Variants in SVOPL observed in about 807,000 individuals in gnomAD.
SVOPL encodes SVOP like.
Under a neutral mutation model 61.0 loss-of-function variants are expected in SVOPL, and 60 were observed. The observed-to-expected ratio is 0.98, with a 90% CI of 0.80 to 1.22. SVOPL has a LOEUF of 1.22. Among genes scored for constraint, SVOPL ranks in the 50% most tolerant of loss-of-function variants. The pLI is 0.00. For synonymous variants in SVOPL, 279 were observed against 250.0 expected (o/e 1.12, Z -1.09); for missense variants, 662 against 643.9 (o/e 1.03, Z -0.30).
intron 7 of SVOPL, among the ~76,000 whole-genome samples, chr7:138,656,072 A>G (rs773063909): frequency 2.0e-4 from 31 of 152,282 alleles, no homozygotes; most frequent in Non-Finnish European, 4.0e-4. Context: ...AGCCACCTCA[A>G]TGTTCAGCAA....
chr7:138,607,754 C>T (rs1220516309), intron 14 of SVOPL, among the ~76,000 whole-genome samples: 1 of 152,156 alleles, frequency 6.6e-6, no homozygotes, highest in Non-Finnish European at 1.5e-5. Context: ...GTTGATTTTA[C>T]AGCTTGGAAG....
chr7:138,654,500 GTTT>G (rs71179717), intron 7 of SVOPL, among the ~76,000 whole-genome samples: 1 of 125,522 alleles, frequency 8.0e-6, no homozygotes, highest in Admixed American at 9.0e-5. Context: ...TACTGAGTTT[GTTT>G]TTTTTTTTTT....
At chr7:138,596,557 T>A in intron 14 of SVOPL, 27 bp from the exon 15 acceptor site, 1 of 1,610,254 alleles carries the variant, frequency 6.2e-7, no homozygotes, top group Non-Finnish European at 8.5e-7. Context: ...AATTACTCAA[T>A]TTATTATGCT....
At chr7:138,634,849 T>C (rs1198629096) in intron 9 of SVOPL, among the ~76,000 whole-genome samples, 1 of 149,336 alleles carries the variant, frequency 6.7e-6, no homozygotes, top group Non-Finnish European at 1.5e-5. Flanking sequence ...CCTGTAGTTC[T>C]AGCTACTCAG....
chr7:138,594,938 T>TA (rs530686140), intron 15 of SVOPL, among the ~76,000 whole-genome samples: 1 of 148,330 alleles, frequency 6.7e-6, no homozygotes, highest in South Asian at 2.2e-4. Flanking sequence ...TTTTTTTTTT[T>TA]AGAGACAGGG....
chr7:138,611,044 G>C (rs1443729421), intron 14 of SVOPL, among the ~76,000 whole-genome samples: 3 of 152,162 alleles, frequency 2.0e-5, no homozygotes, highest in Non-Finnish European at 2.9e-5. Flanking sequence ...GCTGAGTTCA[G>C]TTCACCGTGG....
chr7:138,680,842 G>T (rs1028438699), intron 1 of SVOPL, among the ~76,000 whole-genome samples: 6 of 152,144 alleles, frequency 3.9e-5, no homozygotes, highest in African/African-American at 1.4e-4. Flanking sequence ...GCCTCCCAAA[G>T]TACTGGGATT....
At chr7:138,627,686 T>A (rs1362554812) in intron 11 of SVOPL, among the ~76,000 whole-genome samples, 1 of 152,144 alleles carries the variant, frequency 6.6e-6, no homozygotes, top group African/African-American at 2.4e-5. Flanking sequence ...CCCAGAATAC[T>A]TATTATATCA....
chr7:138,643,340 G>A (rs1800926748), intron 9 of SVOPL, among the ~76,000 whole-genome samples: 1 of 148,612 alleles, frequency 6.7e-6, no homozygotes, highest in Non-Finnish European at 1.5e-5. Flanking sequence ...CAGGAGAATT[G>A]CTTGAACCAG....
At chr7:138,603,424 C>T (rs1409924638) in intron 14 of SVOPL, among the ~76,000 whole-genome samples, 1 of 152,162 alleles carries the variant, frequency 6.6e-6, no homozygotes, top group Non-Finnish European at 1.5e-5. Flanking sequence ...TGGCTCATGC[C>T]TGTAATCCCA....
intron 1 of SVOPL, among the ~76,000 whole-genome samples, chr7:138,700,879 C>G (rs922280419): frequency 6.6e-6 from 1 of 152,128 alleles, no homozygotes; most frequent in African/African-American, 2.4e-5. Flanking sequence ...GGGGATTTTC[C>G]CTGAACTCAG....
At chr7:138,669,759 T>C (rs941260820) in intron 4 of SVOPL, among the ~76,000 whole-genome samples, 6 of 152,240 alleles carry the variant, frequency 3.9e-5, no homozygotes, top group Non-Finnish European at 5.9e-5. Flanking sequence ...TGTCCCAAGC[T>C]GGGTTATTGG....
rs10274242 is a variant in SVOPL, at chr7:138,661,967, G to A, written c.345+1107C>T. On this transcript the variant is annotated intron_variant, in intron 5 of 15. Transcript: ENST00000674285. ...CCACAATTACCAATAGGCTCCTCTT[G>A]AACTTGCTGCATGAACCCACTGCGT... The A allele has an allele frequency of 4.7e-3, 4,631 of 985,410 alleles. 151 individuals are homozygous for A. In the African/African-American group the frequency reaches 0.073, roughly 16 times the overall value. The allele number at this position is 985,410 out of a possible 1,614,324, so 61.0% of individuals were successfully genotyped here. A position where few individuals can be genotyped will look rare whatever the true frequency, so the allele number is the denominator to read the frequency against.
intron 3 of SVOPL, among the ~76,000 whole-genome samples, chr7:138,676,041 G>A (rs891360367): frequency 6.6e-6 from 1 of 152,128 alleles, no homozygotes; most frequent in Non-Finnish European, 1.5e-5. Flanking sequence ...TCACTATGTT[G>A]GCCAGGCTGG....
At chr7:138,699,208 G>A (rs901963627) in intron 1 of SVOPL, among the ~76,000 whole-genome samples, 1 of 152,090 alleles carries the variant, frequency 6.6e-6, no homozygotes, top group African/African-American at 2.4e-5. Flanking sequence ...GGAGGCTGAG[G>A]CAGGAGAATC....
intron 4 of SVOPL, 94 bp from the exon 5 acceptor site, chr7:138,663,239 A>G: frequency 6.5e-7 from 1 of 1,546,416 alleles, no homozygotes; most frequent in South Asian, 1.2e-5. Context: ...GGCTGGAAAT[A>G]CGGGAGGGAT....
At chr7:138,659,669 GTCCTCAGGGCC>G (rs1269512620) in intron 6 of SVOPL, among the ~76,000 whole-genome samples, 184 bp downstream of exon 6, 1 of 151,998 alleles carries the variant, frequency 6.6e-6, no homozygotes, top group Admixed American at 6.5e-5. Flanking sequence ...TTGGGCACAT[GTCCTCAGGGCC>G]TCCTGAGGCT....
chr7:138,658,865 A>G (rs1801869795), intron 6 of SVOPL, among the ~76,000 whole-genome samples: 1 of 152,052 alleles, frequency 6.6e-6, no homozygotes, highest in Non-Finnish European at 1.5e-5. Context: ...TAAAATTTGA[A>G]GTGCCCCCCC....
At chr7:138,617,975 AG>A (rs1453112942) in intron 14 of SVOPL, among the ~76,000 whole-genome samples, 1 of 152,168 alleles carries the variant, frequency 6.6e-6, no homozygotes, top group Admixed American at 6.5e-5. Context: ...CTTTCAGGAA[AG>A]TGACTAATTA....
Sources: allele counts gnomAD v4.1 joint callset (sites outside exome capture counted in the v4.1 genomes callset), GRCh38; gene constraint gnomAD v4.1.1; transcripts MANE v1.5; gene names NCBI Gene and HGNC (gene_info 2026-07-23, HGNC 2026-07-21).